The following MYO1E variants were observed in gnomAD, a reference collection of about 807,000 sequenced individuals.
The protein encoded by MYO1E is myosin IE, also known as unconventional myosin-Ie.
MYO1E carries 68 observed loss-of-function variants against 151.1 expected under a neutral mutation model. The ratio of observed to expected loss-of-function variants is 0.45; its 90% CI spans 0.37 to 0.55. The LOEUF (loss-of-function observed/expected upper bound fraction) is 0.55. Among genes scored for constraint, MYO1E ranks in the 20% least tolerant of loss-of-function variants. The probability of loss-of-function intolerance (pLI) is 0.00; values close to 1 mark genes in which losing one functional copy is unlikely to be tolerated. For synonymous variants in MYO1E, 601 were observed against 501.7 expected, an observed-to-expected ratio of 1.20 and a Z score of -2.64; for missense variants, 1,363 against 1,389.3, an observed-to-expected ratio of 0.98 and a Z score of 0.30.
Position 59,137,219 on chromosome 15 carries a change from A to T in MYO1E, c.*161T>A, listed in dbSNP as rs1438935044. ...TATGGAGTGATACTCCCTGTCCCCA[A>T]CCCAGCCTTTTCAGTGTCCTCCATG... On this transcript the variant is annotated 3_prime_UTR_variant, in exon 28 of 28. Transcript: ENST00000288235. The T allele has an allele frequency of 7.1e-6, 5 of 699,994 alleles. No homozygotes were observed. In the African/African-American group the frequency reaches 8.7e-5, roughly 12 times the overall value. 43.4% of individuals were successfully genotyped at this position (699,994 alleles called of 1,614,324 possible).
At chr15:59,245,409 C>A (rs2080123683) in intron 4 of MYO1E, among the ~76,000 whole-genome samples, 1 of 152,174 alleles carries the variant, frequency 6.6e-6, no homozygotes, top group Admixed American at 6.5e-5. Flanking sequence ...CTACTATCTC[C>A]TTTTCCTCTA....
chr15:59,148,218 T>C (rs1000645238), intron 26 of MYO1E, among the ~76,000 whole-genome samples: 15 of 152,044 alleles, frequency 9.9e-5, no homozygotes, highest in African/African-American at 2.7e-4. Flanking sequence ...GGGTAGCACA[T>C]AGAAGGCACA....
chr15:59,266,663 C>CCTTT (rs753635249), intron 2 of MYO1E: 1 of 130,364 alleles, frequency 7.7e-6, no homozygotes, highest in East Asian at 2.4e-4. Flanking sequence ...TTTTGCTGTT[C>CCTTT]TTTTTTTTTT....
intron 4 of MYO1E, among the ~76,000 whole-genome samples, chr15:59,240,348 T>C (rs1236517148): frequency 6.6e-6 from 1 of 152,178 alleles, no homozygotes; most frequent in African/African-American, 2.4e-5. Flanking sequence ...GAAATATTAA[T>C]TCAAATAGGA....
chr15:59,228,830 G>A (rs1431169114), intron 6 of MYO1E, among the ~76,000 whole-genome samples: 2 of 152,212 alleles, frequency 1.3e-5, no homozygotes, highest in Non-Finnish European at 2.9e-5. Context: ...TGTGCACACT[G>A]CAAATGTGTG....
intron 22 of MYO1E, among the ~76,000 whole-genome samples, chr15:59,168,140 C>T (rs2079572536): frequency 6.6e-6 from 1 of 152,082 alleles, no homozygotes; most frequent in South Asian, 2.1e-4. Context: ...TTAACCGTAA[C>T]TCAACTAGAC....
intron 1 of MYO1E, among the ~76,000 whole-genome samples, chr15:59,329,836 GA>G (rs2080687836): frequency 2.0e-5 from 3 of 152,200 alleles, no homozygotes; most frequent in Non-Finnish European, 4.4e-5. Flanking sequence ...TTTCAAACAT[GA>G]AACACTGGAA....
At chr15:59,177,071 G>C (rs1043934159) in intron 19 of MYO1E, among the ~76,000 whole-genome samples, 2 of 152,160 alleles carry the variant, frequency 1.3e-5, no homozygotes, top group Non-Finnish European at 2.9e-5. Context: ...GTAACAGCGG[G>C]TATGAAACAA....
chr15:59,149,756 G>A (rs2079465254), intron 26 of MYO1E, among the ~76,000 whole-genome samples: 2 of 152,296 alleles, frequency 1.3e-5, no homozygotes, highest in South Asian at 2.1e-4. Context: ...AGGAAGGAAA[G>A]ATAAACTCAG....
At chr15:59,185,429 G>C (rs1220600984) in intron 18 of MYO1E, among the ~76,000 whole-genome samples, 4 of 152,270 alleles carry the variant, frequency 2.6e-5, no homozygotes, top group African/African-American at 7.2e-5. Context: ...CACTGCACCT[G>C]GCTAATTTTT....
At chr15:59,219,408 A>G (rs1403333628) in intron 9 of MYO1E, among the ~76,000 whole-genome samples, 1 of 152,220 alleles carries the variant, frequency 6.6e-6, no homozygotes, top group Non-Finnish European at 1.5e-5. Context: ...TGATAAAAGA[A>G]TTTTGTTAAA....
At chr15:59,200,716 T>C (rs4775125) in intron 16 of MYO1E, among the ~76,000 whole-genome samples, 42,915 of 152,142 alleles carry the variant, frequency 0.28, 6,691 homozygotes, top group East Asian at 0.63. Flanking sequence ...TACATATACA[T>C]CTTGTGTTCA....
intron 10 of MYO1E, among the ~76,000 whole-genome samples, chr15:59,216,024 A>C (rs545623498): frequency 1.2e-4 from 18 of 152,250 alleles, no homozygotes; most frequent in South Asian, 4.2e-4. Flanking sequence ...TTATCCTTTA[A>C]ATAGCCACTA....
At chr15:59,138,003 T>C (rs1474138728) in intron 27 of MYO1E, among the ~76,000 whole-genome samples, 195 bp downstream of exon 27, 1 of 152,140 alleles carries the variant, frequency 6.6e-6, no homozygotes, top group African/African-American at 2.4e-5. Flanking sequence ...GGAGGGAATA[T>C]AAATAAGGGG....
intron 18 of MYO1E, among the ~76,000 whole-genome samples, chr15:59,186,351 T>C (rs1247129628): frequency 2.0e-5 from 3 of 151,858 alleles, no homozygotes; most frequent in Non-Finnish European, 4.4e-5. Flanking sequence ...TTAGAAATAC[T>C]AGATTCCAAA....
chr15:59,262,294 C>T (rs993313185), intron 2 of MYO1E, among the ~76,000 whole-genome samples: 3 of 151,992 alleles, frequency 2.0e-5, no homozygotes, highest in African/African-American at 7.2e-5. Context: ...TCTCCAGAAG[C>T]TTAGAGGAAT....
chr15:59,200,485 C>A (rs2079794449), intron 16 of MYO1E, among the ~76,000 whole-genome samples: 1 of 148,660 alleles, frequency 6.7e-6, no homozygotes, highest in African/African-American at 2.4e-5. Flanking sequence ...TCAGAGGGCT[C>A]TACCCTACAG....
intron 1 of MYO1E, among the ~76,000 whole-genome samples, chr15:59,277,093 C>T (rs1219482863): frequency 1.3e-5 from 2 of 152,108 alleles, no homozygotes; most frequent in Non-Finnish European, 2.9e-5. Context: ...ACAACAAGGT[C>T]CCCCACCCCG....
At chr15:59,155,737 C>T (rs908106815) in intron 25 of MYO1E, among the ~76,000 whole-genome samples, 5 of 152,054 alleles carry the variant, frequency 3.3e-5, no homozygotes, top group African/African-American at 9.7e-5. Context: ...GAGACAGAGC[C>T]GGGTCAAGGC....
Sources: gnomAD v4.1 joint callset for allele counts (sites outside exome capture counted in the v4.1 genomes callset) on GRCh38, gnomAD v4.1.1 for gene constraint, MANE v1.5 for transcripts, NCBI Gene and HGNC (gene_info 2026-07-23, HGNC 2026-07-21) for gene names.